The following ULK4 variants were observed in gnomAD, a reference collection of about 807,000 sequenced individuals.
ULK4 encodes the protein unc-51 like kinase 4.
Under a neutral mutation model 160.6 loss-of-function variants are expected in ULK4, and 133 were observed. The ratio of observed to expected loss-of-function variants is 0.83; its 90% CI spans 0.72 to 0.96. The LOEUF is 0.96. Ranked by LOEUF, ULK4 falls within the 40% of genes least tolerant of loss-of-function variation. The pLI is 0.00. For synonymous variants in ULK4, 534 were observed against 539.8 expected (o/e 0.99, Z 0.15); for missense variants, 1,580 against 1,499.5 (o/e 1.05, Z -0.89).
chr3:41,721,285 G>GTTTTTTTTTTTTT (rs2037449545), intron 22 of ULK4, among the ~76,000 whole-genome samples: 1 of 26,804 alleles, frequency 3.7e-5, no homozygotes, highest in Admixed American at 5.3e-4. Context: ...TTTTTTTTTT[G>GTTTTTTTTTTTTT]GGTTTTGAAC....
intron 31 of ULK4, among the ~76,000 whole-genome samples, chr3:41,595,307 G>A (rs937362628): frequency 1.1e-4 from 16 of 152,112 alleles, no homozygotes; most frequent in South Asian, 6.2e-4. Flanking sequence ...TGATCCTGCC[G>A]CGGTCAACTT....
At chr3:41,904,091 T>C (rs1698469086) in intron 12 of ULK4, among the ~76,000 whole-genome samples, 1 of 152,068 alleles carries the variant, frequency 6.6e-6, no homozygotes, top group African/African-American at 2.4e-5. Context: ...ACAAGTTTTT[T>C]ACAATTATAT....
intron 17 of ULK4, among the ~76,000 whole-genome samples, chr3:41,839,555 C>A (rs1291958002): frequency 1.3e-5 from 2 of 150,956 alleles, no homozygotes; most frequent in South Asian, 4.2e-4. Context: ...ATACTACGAA[C>A]AACTGTATAT....
At chr3:41,558,908 G>T (rs1232328472) in intron 32 of ULK4, among the ~76,000 whole-genome samples, 2 of 147,202 alleles carry the variant, frequency 1.4e-5, no homozygotes, top group East Asian at 2.0e-4. Flanking sequence ...TAAGTTTTAG[G>T]GTACATGTGC....
intron 31 of ULK4, among the ~76,000 whole-genome samples, chr3:41,609,853 A>C (rs2032582472): frequency 6.6e-6 from 1 of 152,050 alleles, no homozygotes; most frequent in Non-Finnish European, 1.5e-5. Context: ...ACACCCCTGC[A>C]GACACAGCTA....
intron 34 of ULK4, among the ~76,000 whole-genome samples, chr3:41,408,533 C>A (rs1248035335): frequency 6.6e-6 from 1 of 151,594 alleles, no homozygotes; most frequent in Non-Finnish European, 1.5e-5. Context: ...TGGCAACACA[C>A]TCAAAATCGA....
intron 8 of ULK4, 150 bp downstream of exon 8, chr3:41,915,827 A>G: frequency 3.9e-6 from 2 of 508,422 alleles, no homozygotes; most frequent in Non-Finnish European, 7.0e-6. Context: ...AATAATTTGA[A>G]TAGCTATTTG....
chr3:41,615,286 C>A (rs1317918045), intron 31 of ULK4, among the ~76,000 whole-genome samples: 1 of 152,186 alleles, frequency 6.6e-6, no homozygotes, highest in African/African-American at 2.4e-5. Flanking sequence ...TACCCAGTAA[C>A]TGCAAAGTCA....
chr3:41,502,651 G>A (rs2085250562), intron 32 of ULK4, among the ~76,000 whole-genome samples: 1 of 152,170 alleles, frequency 6.6e-6, no homozygotes, highest in African/African-American at 2.4e-5. Context: ...CAACATGAAT[G>A]AATCTCAAAA....
At chr3:41,357,918 T>G (rs1258608257) in intron 35 of ULK4, among the ~76,000 whole-genome samples, 1 of 152,198 alleles carries the variant, frequency 6.6e-6, no homozygotes, top group African/African-American at 2.4e-5. Context: ...AAATAACTCA[T>G]CTGGTCCTCA....
At chr3:41,397,676 G>GA (rs1385108048) in intron 35 of ULK4, among the ~76,000 whole-genome samples, 4 of 152,028 alleles carry the variant, frequency 2.6e-5, no homozygotes, top group Non-Finnish European at 5.9e-5. Flanking sequence ...TCCTACACCA[G>GA]AAAAAAGGCT....
At chr3:41,431,765 G>A (rs909698104) in intron 34 of ULK4, among the ~76,000 whole-genome samples, 1 of 147,950 alleles carries the variant, frequency 6.8e-6, no homozygotes, top group South Asian at 2.2e-4. Context: ...TTAAAGATGC[G>A]ACTATTTCTT....
At chr3:41,903,871 T>C (rs1259655408) in intron 12 of ULK4, among the ~76,000 whole-genome samples, 1 of 151,802 alleles carries the variant, frequency 6.6e-6, no homozygotes, top group Non-Finnish European at 1.5e-5. Flanking sequence ...AATATCAAAA[T>C]GTATGAGACA....
intron 35 of ULK4, among the ~76,000 whole-genome samples, chr3:41,298,224 A>G (rs1273581602): frequency 6.6e-6 from 1 of 152,252 alleles, no homozygotes; most frequent in Non-Finnish European, 1.5e-5. Flanking sequence ...TACTTTAAAA[A>G]ATTGGCTTTT....
intron 29 of ULK4, among the ~76,000 whole-genome samples, chr3:41,672,087 G>T (rs1199553323): frequency 6.6e-6 from 1 of 152,138 alleles, no homozygotes; most frequent in Non-Finnish European, 1.5e-5. Flanking sequence ...TGTTGGCAAG[G>T]ATGCGGAGAA....
intron 22 of ULK4, among the ~76,000 whole-genome samples, chr3:41,732,143 T>TA (rs1368595546): frequency 6.6e-6 from 1 of 151,870 alleles, no homozygotes; most frequent in African/African-American, 2.4e-5. Context: ...TGCATCAAAC[T>TA]AAAAAGCTTC....
intron 31 of ULK4, among the ~76,000 whole-genome samples, chr3:41,572,387 CCT>C (rs2088008419): frequency 6.6e-6 from 1 of 152,110 alleles, no homozygotes. Context: ...TGATGCTTAT[CCT>C]CTCTTTCATT....
chr3:41,404,226 ATT>A (rs60508995), intron 34 of ULK4, among the ~76,000 whole-genome samples: 7,593 of 131,830 alleles, frequency 0.058, 616 homozygotes, highest in African/African-American at 0.19. Context: ...TAGCTCTATC[ATT>A]TTTTTTTTTT....
At chr3:41,612,290 C>T (rs1033858886) in intron 31 of ULK4, among the ~76,000 whole-genome samples, 6 of 152,256 alleles carry the variant, frequency 3.9e-5, no homozygotes, top group Admixed American at 2.6e-4. Context: ...CTCCTTCCCT[C>T]AAAATACCTC....
Sources: allele counts gnomAD v4.1 joint callset (sites outside exome capture counted in the v4.1 genomes callset), GRCh38; gene constraint gnomAD v4.1.1; transcripts MANE v1.5; gene names NCBI Gene and HGNC (gene_info 2026-07-23, HGNC 2026-07-21).